Variants in SYNE2 observed in about 807,000 individuals in gnomAD.
SYNE2 encodes nesprin-2.
Under a neutral mutation model 856.3 loss-of-function variants are expected in SYNE2, and 431 were observed. That is an observed-to-expected ratio of 0.50 (90% CI 0.47 to 0.55). The LOEUF (loss-of-function observed/expected upper bound fraction) is 0.55. Ranked by LOEUF, SYNE2 falls within the 20% of genes least tolerant of loss-of-function variation. The pLI is 0.00. For synonymous variants in SYNE2, 2,923 were observed against 2,872.3 expected, an observed-to-expected ratio of 1.02 and a Z score of -0.56; for missense variants, 8,129 against 8,023.2, an observed-to-expected ratio of 1.01 and a Z score of -0.50.
chr14:63,963,510 C>T (rs1314387524), intron 9 of SYNE2, among the ~76,000 whole-genome samples: 1 of 152,106 alleles, frequency 6.6e-6, no homozygotes, highest in Non-Finnish European at 1.5e-5. Context: ...TTTTTAGGCT[C>T]TCGAAAGTGT....
chr14:63,883,862 ATTT>A (rs34392423), intron 1 of SYNE2, among the ~76,000 whole-genome samples: 8 of 130,470 alleles, frequency 6.1e-5, no homozygotes, highest in African/African-American at 8.6e-5. Context: ...AAGCTGGTGA[ATTT>A]TTTTTTTTTT....
intron 1 of SYNE2, among the ~76,000 whole-genome samples, chr14:63,875,079 C>G (rs1207969900): frequency 1.3e-5 from 2 of 151,468 alleles, no homozygotes; most frequent in African/African-American, 4.9e-5. Flanking sequence ...GCTATGTTGT[C>G]CAGGCTGGAG....
chr14:64,038,005 C>T (rs1369857404), intron 45 of SYNE2, among the ~76,000 whole-genome samples: 4 of 151,530 alleles, frequency 2.6e-5, no homozygotes, highest in African/African-American at 4.9e-5. Context: ...ACTTCCCAGA[C>T]GGGGTGGCTG....
intron 1 of SYNE2, among the ~76,000 whole-genome samples, chr14:63,833,569 T>A (rs917700760): frequency 3.3e-5 from 5 of 152,220 alleles, no homozygotes; most frequent in Non-Finnish European, 7.3e-5. Flanking sequence ...GCACCTCTTC[T>A]CTAATATACT....
chr14:64,124,193 G>A (rs1201519933), intron 70 of SYNE2, among the ~76,000 whole-genome samples: 4 of 151,778 alleles, frequency 2.6e-5, no homozygotes, highest in Non-Finnish European at 5.9e-5. Flanking sequence ...TGACAACAGC[G>A]AGACTCCGTC....
chr14:64,118,445 T>G (rs2097868964), intron 66 of SYNE2, among the ~76,000 whole-genome samples: 1 of 152,224 alleles, frequency 6.6e-6, no homozygotes, highest in African/African-American at 2.4e-5. Context: ...TATGGTGTTG[T>G]GAGAGTTTGG....
chr14:64,076,242 G>A, intron 54 of SYNE2, 142 bp downstream of exon 54: 1 of 828,950 alleles, frequency 1.2e-6, no homozygotes, highest in Non-Finnish European at 1.9e-6. Flanking sequence ...CGTGTCTATT[G>A]AATGCTAAGA....
At chr14:63,977,856 C>G in intron 12 of SYNE2, 49 bp from the exon 13 acceptor site, 1 of 1,248,322 alleles carries the variant, frequency 8.0e-7, no homozygotes, top group Non-Finnish European at 1.2e-6. Flanking sequence ...CCCTTAATTA[C>G]AGTGTTTGGC....
Position 64,049,819 on chromosome 14 carries a change from T to G in SYNE2, c.7586T>G (p.Leu2529Arg). The change falls in exon 47 of 116, where the codon CTT becomes CGT. Residue 2529 changes from leucine to arginine, a missense_variant. Physicochemically the swap from Leu to Arg is moderately radical, Grantham distance 102. Around this residue, in one of 3 missense-constraint regions of SYNE2, gnomAD observed 5,410 missense variants for 5,284.8 expected, o/e 1.02. Coordinates refer to ENST00000555002, the MANE Select transcript of SYNE2 (RefSeq NM_182914.3). ...GTCCTCAGAGATTTTCAGGAATACC[T>G]TGCTGCAGTTGAATCTTCAATGAAA... ...YCVLRDFQEYLAAVESSMKAL... is the reference protein window; with the variant it reads ...YCVLRDFQEYRAAVESSMKAL... 1 of 1,614,146 alleles carries G rather than the reference T, an allele frequency of 6.2e-7. No individual in the cohort carries two copies. The highest frequency in any genetic ancestry group is 8.5e-7 in the Non-Finnish European group (1 of 1,180,010).
chr14:63,956,101 A>G (rs2096238692), intron 8 of SYNE2, among the ~76,000 whole-genome samples: 1 of 152,228 alleles, frequency 6.6e-6, no homozygotes, highest in African/African-American at 2.4e-5. Context: ...CAATTTCTTC[A>G]TCTCTTTTTT....
chr14:64,209,654 C>T lies in SYNE2; in HGVS notation c.18540+76C>T, dbSNP rs2098629665. ...AGCCTGGGGGCTGCTGAAATGACTT[C>T]CTCTAAGTAGCCAGCTTCCCCTCAC... On this transcript the variant is annotated intron_variant, in intron 102 of 115. Transcript: ENST00000555002. The T allele has an allele frequency of 3.8e-6, 6 of 1,589,142 alleles. No individual in the cohort carries two copies. In the Admixed American group the frequency reaches 5.2e-5, roughly 14 times the overall value.
At chr14:64,112,892 C>T (rs2097822932) in intron 65 of SYNE2, among the ~76,000 whole-genome samples, 1 of 152,126 alleles carries the variant, frequency 6.6e-6, no homozygotes, top group South Asian at 2.1e-4. Context: ...TTTATTGTAT[C>T]CCTGCTGGGA....
In SYNE2 at chr14:63,909,419, C is replaced by T. The variant is rs556549543; in HGVS notation, c.79+192C>T. Among the ~76,000 whole-genome samples the T allele has an allele frequency of 9.2e-5, 14 of 152,148 alleles. 1 individual carries two copies. Among genetic ancestry groups the T allele is most frequent in the Admixed American group, 7.2e-4 (11 of 15,272 alleles). On this transcript the variant is annotated intron_variant, in intron 2 of 115. Coordinates refer to ENST00000555002, the MANE Select transcript of SYNE2 (RefSeq NM_182914.3). ...AGCTCTCTGGGAAAGTAAGGAATACCTGCAAGGAATTTGCTATCTCCAGTT... is the reference window on the plus strand; with the variant it reads ...AGCTCTCTGGGAAAGTAAGGAATACTTGCAAGGAATTTGCTATCTCCAGTT...
intron 1 of SYNE2, among the ~76,000 whole-genome samples, chr14:63,890,085 C>G (rs1363491563): frequency 7.5e-6 from 1 of 132,814 alleles, no homozygotes; most frequent in Non-Finnish European, 1.5e-5. Context: ...GAGATAGGGT[C>G]TCGCTCTGTC....
intron 34 of SYNE2, 73 bp from the exon 35 acceptor site, chr14:64,019,919 A>C (rs1412385783): frequency 1.0e-6 from 1 of 971,818 alleles, no homozygotes; most frequent in African/African-American, 1.6e-5. Flanking sequence ...ATATATAAAC[A>C]GTAGTAATTA....
Position 64,021,496 on chromosome 14 carries a change from A to C in SYNE2, c.5333A>C (p.Glu1778Ala). 6.2e-7 allele frequency: 1 copy of C among 1,614,118 alleles called. No individual in the cohort carries two copies. Among genetic ancestry groups the C allele is most frequent in the South Asian group, 1.1e-5 (1 of 91,078 alleles). ...LKALSPSDSL[E>A]IFTKLEEIQQ... Reference sequence around the variant, plus strand: ...GCCCTGTCTCCTTCTGACAGCTTGGAGATCTTCACTAAACTAGAGGTGCTA... The same window carrying C: ...GCCCTGTCTCCTTCTGACAGCTTGGCGATCTTCACTAAACTAGAGGTGCTA... Residue 1778 changes from glutamate to alanine, a missense_variant, in exon 36 of 116, where the codon GAG becomes GCG. Transcript: ENST00000555002.
At chr14:63,903,272 G>A (rs1408558038) in intron 1 of SYNE2, among the ~76,000 whole-genome samples, 1 of 152,162 alleles carries the variant, frequency 6.6e-6, no homozygotes, top group East Asian at 1.9e-4. Flanking sequence ...AATTGATTCA[G>A]TCTTCAAAGT....
intron 1 of SYNE2, among the ~76,000 whole-genome samples, chr14:63,841,952 C>T (rs985696858): frequency 2.6e-5 from 4 of 150,982 alleles, no homozygotes; most frequent in African/African-American, 9.7e-5. Flanking sequence ...CCTGCCTCAG[C>T]CTTCCGAGTA....
chr14:64,197,901 A>T (rs1216471740), intron 99 of SYNE2, among the ~76,000 whole-genome samples: 1 of 152,180 alleles, frequency 6.6e-6, no homozygotes, highest in African/African-American at 2.4e-5. Flanking sequence ...TGTTTTCTGC[A>T]TTTTTACCCA....
Sources: gnomAD v4.1 joint callset for allele counts (sites outside exome capture counted in the v4.1 genomes callset) on GRCh38, gnomAD v4.1.1 for gene constraint, gnomAD v4.1.1 regional missense constraint, MANE v1.5 for transcripts, NCBI Gene and HGNC (gene_info 2026-07-23, HGNC 2026-07-21) for gene names.